The following PTH1R variants were observed in gnomAD, a reference collection of about 807,000 sequenced individuals.
PTH1R encodes the protein parathyroid hormone/parathyroid hormone-related peptide receptor.
Under a neutral mutation model 70.7 loss-of-function variants are expected in PTH1R, and 32 were observed. That is an observed-to-expected ratio of 0.45 (90% CI 0.34 to 0.61). PTH1R has a LOEUF of 0.61. Ranked by LOEUF, PTH1R falls within the 20% of genes least tolerant of loss-of-function variation. The pLI, the probability that PTH1R is intolerant of heterozygous loss-of-function variation, is 0.01. For synonymous variants in PTH1R, 329 were observed against 324.8 expected (o/e 1.01, Z -0.14); for missense variants, 626 against 792.5 (o/e 0.79, Z 2.52).
At chr3:46,886,162 C>T (rs1344112433) in intron 3 of PTH1R, among the ~76,000 whole-genome samples, 1 of 152,152 alleles carries the variant, frequency 6.6e-6, no homozygotes, top group African/African-American at 2.4e-5. Context: ...ATGCGTCCTC[C>T]TAAGGACCCC....
chr3:46,899,519 G>A (rs1439126949), intron 10 of PTH1R, 63 bp downstream of exon 10: 2 of 1,571,522 alleles, frequency 1.3e-6, no homozygotes, highest in East Asian at 4.5e-5. Flanking sequence ...ACAGGGAGAG[G>A]GCAGCCCCTG....
chr3:46,894,484 C>G (rs1260819083), intron 4 of PTH1R, among the ~76,000 whole-genome samples: 1 of 152,166 alleles, frequency 6.6e-6, no homozygotes, highest in Non-Finnish European at 1.5e-5. Flanking sequence ...CCCACCGATG[C>G]CAGCCCCAAC....
At chr3:46,900,426 G>T (rs1419107886) in intron 10 of PTH1R, among the ~76,000 whole-genome samples, 2 of 152,164 alleles carry the variant, frequency 1.3e-5, no homozygotes, top group Non-Finnish European at 2.9e-5. Flanking sequence ...AGTCAAGTTG[G>T]TGGTATGTGG....
chr3:46,895,085 A>C (rs2031666788), intron 4 of PTH1R, among the ~76,000 whole-genome samples: 1 of 116,024 alleles, frequency 8.6e-6, no homozygotes, highest in South Asian at 3.1e-4. Context: ...CAAAAAAAAC[A>C]AACAAACAAA....
In PTH1R at chr3:46,883,533, C is replaced by G. The variant is rs1459412664; in HGVS notation, c.-27C>G. ...CCAGGGCCGGCGGCGGCGGCTGCCC[C>G]GAGGGACGCGGCCCTAGGCGGTGGC... is the stretch of plus-strand genomic sequence containing the variant. On this transcript the variant is annotated 5_prime_UTR_variant, in exon 3 of 16. Coordinates refer to ENST00000449590, the MANE Select transcript of PTH1R (RefSeq NM_000316.3). The surrounding 1 kb of genome is among the most constrained non-coding windows in gnomAD (Gnocchi z 6.4). 6.0e-6 allele frequency: 9 copies of G among 1,503,722 alleles called. No homozygotes were observed. Among genetic ancestry groups the G allele is most frequent in the African/African-American group, 1.4e-5 (1 of 70,092 alleles). The allele number at this position is 1,503,722 out of a possible 1,614,324, so 93.1% of individuals were successfully genotyped here.
rs1435013309 is a variant in PTH1R at position 46,883,672 on chromosome 3, G to T, written c.75+38G>T. Reference sequence around the variant, plus strand: ...CCGCCAACACTCCGGGACAGGCTGCGGGCTTACCCTAGGGTCCGCGGGATA... The same window carrying T: ...CCGCCAACACTCCGGGACAGGCTGCTGGCTTACCCTAGGGTCCGCGGGATA... On this transcript the variant is annotated intron_variant, in intron 3 of 15. Coordinates refer to ENST00000449590, the MANE Select transcript of PTH1R (RefSeq NM_000316.3). The surrounding 1 kb of genome is among the most constrained non-coding windows in gnomAD (Gnocchi z 6.4). The T allele has an allele frequency of 7.8e-6, 12 of 1,544,766 alleles. No homozygotes were observed. Among genetic ancestry groups the T allele is most frequent in the Non-Finnish European group, 9.6e-6 (11 of 1,146,418 alleles).
rs146163188 is a variant in PTH1R at position 46,903,616 on chromosome 3, C to T, written c.1742C>T (p.Pro581Leu). The change falls in exon 16 of 16, where the codon CCA (proline) becomes CTA (leucine). Residue 581 changes from proline (P) to leucine (L), a missense_variant. This residue lies in a region of PTH1R where 495 missense variants were observed against 638.7 expected (regional missense o/e 0.77). Coordinates refer to ENST00000449590, the MANE Select transcript of PTH1R (RefSeq NM_000316.3). This position sits in a 1 kb window ranked among gnomAD's most constrained non-coding sequence, Gnocchi z 4.4. ...GAGGAGGCCTCTGGGCCTGAGCGGC[C>T]ACCTGCCCTGCTACAGGAAGAGTGG... is the stretch of plus-strand genomic sequence containing the variant. Reference protein sequence around the residue: ...LDEEASGPERPPALLQEEWET... With the variant: ...LDEEASGPERLPALLQEEWET... The T allele has an allele frequency of 6.2e-7, 1 of 1,612,664 alleles. No homozygotes were observed. The highest frequency in any genetic ancestry group is 2.2e-5 in the East Asian group (1 of 44,876).
chr3:46,895,936 C>A lies in PTH1R; in HGVS notation c.313+67C>A, dbSNP rs1048561551. Reference sequence around the variant, plus strand: ...ATCCACCCACCCCCATTGCACTGTCCCTCTGATGTGAGCTCATGCTTCTTG... The same window carrying A: ...ATCCACCCACCCCCATTGCACTGTCACTCTGATGTGAGCTCATGCTTCTTG... On this transcript the variant is annotated intron_variant, in intron 5 of 15. Coordinates refer to ENST00000449590, the MANE Select transcript of PTH1R (RefSeq NM_000316.3). 8 of 1,560,768 alleles carry A rather than the reference C, an allele frequency of 5.1e-6. No homozygotes were observed. The African/African-American group carries it at 1.1e-4, about 21-fold the overall frequency.
In PTH1R at chr3:46,898,090, C is replaced by T. The variant is rs543815443; in HGVS notation, c.441C>T (p.Arg147=). Reference sequence around the variant, plus strand: ...GACCTGCAGGCCATGCCTACCGACGCTGTGACCGCAATGGCAGCTGGGAGC... The same window carrying T: ...GACCTGCAGGCCATGCCTACCGACGTTGTGACCGCAATGGCAGCTGGGAGC... ...DFNHKGHAYR[R]CDRNGSWELV... Residue 147 remains arginine (R), a synonymous_variant, in exon 7 of 16, where the codon CGC becomes CGT. Transcript: ENST00000449590. The T allele has an allele frequency of 1.2e-6, 2 of 1,614,244 alleles. No homozygotes were observed. Among genetic ancestry groups the T allele is most frequent in the South Asian group, 2.2e-5 (2 of 91,086 alleles).
At chr3:46,895,622 G>C (rs1421842948) in intron 4 of PTH1R, 113 bp from the exon 5 acceptor site, 1 of 1,524,430 alleles carries the variant, frequency 6.6e-7, no homozygotes, top group Non-Finnish European at 9.0e-7. Flanking sequence ...GGTGTCACCA[G>C]GGCAGGAGAC....
Position 46,893,784 on chromosome 3 carries a change from C to T in PTH1R, c.76-123C>T. 1.1e-6 allele frequency: 1 copy of T among 879,042 alleles called. No homozygotes were observed. The highest frequency in any genetic ancestry group is 1.9e-6 in the Non-Finnish European group (1 of 537,616). The allele number at this position is 879,042 out of a possible 1,614,324, so 54.5% of individuals were successfully genotyped here. A position where few individuals can be genotyped will look rare whatever the true frequency, so the allele number is the denominator to read the frequency against. On this transcript the variant is annotated intron_variant, in intron 3 of 15. Coordinates refer to ENST00000449590, the MANE Select transcript of PTH1R (RefSeq NM_000316.3). The surrounding 1 kb of genome is among the most constrained non-coding windows in gnomAD (Gnocchi z 5.2). ...AGATTCCCCACATGCAGGGGAAATC[C>T]CACCTTCCCTCTAGAGTCAGGGCCT...
chr3:46,881,717 G>T (rs1327868746), intron 2 of PTH1R, among the ~76,000 whole-genome samples: 1 of 152,074 alleles, frequency 6.6e-6, no homozygotes, highest in African/African-American at 2.4e-5. Context: ...GACGAGGCGA[G>T]GGTGGGGCTG....
At chr3:46,886,294 C>T (rs1267489467) in intron 3 of PTH1R, among the ~76,000 whole-genome samples, 1 of 152,188 alleles carries the variant, frequency 6.6e-6, no homozygotes, top group Non-Finnish European at 1.5e-5. Flanking sequence ...GTGGTGTGGA[C>T]TCACAGGCTG....
chr3:46,887,402 C>T (rs1219729912), intron 3 of PTH1R, among the ~76,000 whole-genome samples: 1 of 148,704 alleles, frequency 6.7e-6, no homozygotes, highest in East Asian at 2.0e-4. Context: ...CTGCAATGAG[C>T]TACGATCATG....
chr3:46,881,346 G>A (rs1575505314), intron 2 of PTH1R, among the ~76,000 whole-genome samples: 1 of 152,068 alleles, frequency 6.6e-6, no homozygotes, highest in Non-Finnish European at 1.5e-5. Context: ...ATCCCGCCCC[G>A]TTCAGCCCCA....
chr3:46,902,956 A>G lies in PTH1R; in HGVS notation c.1395+166A>G. ...AAGTCTTTCCAGATGATGCAGGTTC[A>G]GGATGTGCTAGGATGTGGGGACTCT... On this transcript the variant is annotated intron_variant, in intron 15 of 15. Transcript: ENST00000449590. The surrounding 1 kb of genome is among the most constrained non-coding windows in gnomAD (Gnocchi z 5.4). 1 of 1,045,086 alleles carries G rather than the reference A, an allele frequency of 9.6e-7. No homozygotes were observed. Among genetic ancestry groups the G allele is most frequent in the East Asian group, 2.5e-5 (1 of 40,384 alleles). The allele number at this position is 1,045,086 out of a possible 1,614,324, so 64.7% of individuals were successfully genotyped here. A position where few individuals can be genotyped will look rare whatever the true frequency, so the allele number is the denominator to read the frequency against.
rs367616586 is a variant in PTH1R, at chr3:46,898,067, C to G, written c.425-7C>G. On this transcript the variant is annotated splice_region_variant and splice_polypyrimidine_tract_variant and intron_variant, in intron 6 of 15. Coordinates refer to ENST00000449590, the MANE Select transcript of PTH1R (RefSeq NM_000316.3). ...CCTGCCGGCCCTGACCTCCCATGGACCTGCAGGCCATGCCTACCGACGCTG... is the reference window on the plus strand; with the variant it reads ...CCTGCCGGCCCTGACCTCCCATGGAGCTGCAGGCCATGCCTACCGACGCTG... The G allele has an allele frequency of 6.2e-7, 1 of 1,614,162 alleles. No homozygotes were observed. The highest frequency in any genetic ancestry group is 8.5e-7 in the Non-Finnish European group (1 of 1,179,980).
intron 9 of PTH1R, 52 bp from the exon 10 acceptor site, chr3:46,899,251 G>A: frequency 3.7e-6 from 6 of 1,611,964 alleles, no homozygotes; most frequent in Non-Finnish European, 5.1e-6. Context: ...GCCCAGCCCT[G>A]ACTTCCCGGA....
intron 3 of PTH1R, among the ~76,000 whole-genome samples, chr3:46,885,135 TC>T (rs2030931808): frequency 6.6e-6 from 1 of 152,092 alleles, no homozygotes; most frequent in Non-Finnish European, 1.5e-5. Context: ...GGTGTGGGTG[TC>T]CTGAGAGTAA....
Sources: gnomAD v4.1 joint callset for allele counts (sites outside exome capture counted in the v4.1 genomes callset) on GRCh38, gnomAD v4.1.1 for gene constraint, gnomAD v4.1.1 regional missense constraint, Gnocchi (gnomAD v3.1) non-coding constraint, MANE v1.5 for transcripts, NCBI Gene and HGNC (gene_info 2026-07-23, HGNC 2026-07-21) for gene names.